Variants in REPS2 observed in about 807,000 individuals in gnomAD.
REPS2 encodes the protein RALBP1 associated Eps domain containing 2, also known as ralBP1-associated Eps domain-containing protein 2.
REPS2 carries 23 observed loss-of-function variants against 53.6 expected under a neutral mutation model. That is an observed-to-expected ratio of 0.43 (90% CI 0.31 to 0.61). The LOEUF (loss-of-function observed/expected upper bound fraction) is 0.61. Among genes scored for constraint, REPS2 ranks in the 20% least tolerant of loss-of-function variants. The pLI, the probability that REPS2 is intolerant of heterozygous loss-of-function variation, is 0.11. For synonymous variants in REPS2, 238 were observed against 218.6 expected, an observed-to-expected ratio of 1.09 and a Z score of -0.78; for missense variants, 446 against 534.9, an observed-to-expected ratio of 0.83 and a Z score of 1.64.
intron 2 of REPS2, among the ~76,000 whole-genome samples, chrX:17,012,898 T>C (rs998534953): frequency 8.9e-6 from 1 of 111,939 alleles, no homozygotes; most frequent in Non-Finnish European, 1.9e-5. Context: ...TTTGTTGTTG[T>C]TGGGGGAGAG....
intron 4 of REPS2, among the ~76,000 whole-genome samples, chrX:17,027,210 C>G (rs2061656335): frequency 8.9e-6 from 1 of 111,766 alleles, no homozygotes; most frequent in Non-Finnish European, 1.9e-5. Context: ...TCTCCGGTCA[C>G]TCCCTGCCCC....
the REPS2 span, among the ~76,000 whole-genome samples, chrX:17,167,428 C>T: frequency 8.5e-4 from 94 of 110,573 alleles, 2 homozygotes; most frequent in South Asian, 0.036. Context: ...CTGTTACAGC[C>T]GCCAGACCAG....
intron 13 of REPS2, among the ~76,000 whole-genome samples, chrX:17,101,275 G>C (rs771615458): frequency 1.8e-5 from 2 of 109,245 alleles, no homozygotes; most frequent in African/African-American, 6.7e-5. Context: ...TGTTAGCCAG[G>C]ATGGTCTCGA....
chrX:17,064,654 A>G (rs777251825), intron 9 of REPS2, among the ~76,000 whole-genome samples: 3 of 112,284 alleles, frequency 2.7e-5, no homozygotes, highest in Non-Finnish European at 3.8e-5. Context: ...TACATACCAT[A>G]CCCATTTAAA....
At chrX:17,091,839 G>C (rs1445228649) in intron 13 of REPS2, among the ~76,000 whole-genome samples, 1 of 112,022 alleles carries the variant, frequency 8.9e-6, no homozygotes, top group Non-Finnish European at 1.9e-5. Flanking sequence ...AACAATTTCT[G>C]TTACAAAGAA....
chrX:17,086,771 T>G (rs1722840027), intron 13 of REPS2, among the ~76,000 whole-genome samples: 1 of 112,842 alleles, frequency 8.9e-6, no homozygotes, highest in African/African-American at 3.2e-5. Context: ...TAAAACATAA[T>G]TCTCAGTACA....
rs2062544543 is a variant in REPS2, at chrX:17,086,922, C to G, written c.1516+9515C>G. 3.6e-5 allele frequency among the ~76,000 whole-genome samples: 4 copies of G among 111,560 alleles called. No homozygotes were observed. In the South Asian group the frequency reaches 1.5e-3, roughly 42 times the overall value. ...TGGGTACTTGGCACTTTGGAGGATC[C>G]CAAGAGGGATATGGATATGCCCCCA... On this transcript the variant is annotated intron_variant, in intron 13 of 17. Transcript: ENST00000357277.
chrX:17,056,428 G>A (rs775598994), intron 8 of REPS2, among the ~76,000 whole-genome samples: 1 of 112,430 alleles, frequency 8.9e-6, no homozygotes, highest in East Asian at 2.8e-4. Context: ...AGTGGCTCAT[G>A]CCTGTAATCC....
intron 14 of REPS2, among the ~76,000 whole-genome samples, chrX:17,126,399 C>A (rs1603090555): frequency 8.9e-6 from 1 of 112,502 alleles, no homozygotes; most frequent in Admixed American, 9.4e-5. Flanking sequence ...ATAGAATATT[C>A]TTCCTTTGTT....
the REPS2 span, among the ~76,000 whole-genome samples, chrX:17,184,549 T>C: frequency 4.6e-5 from 5 of 108,897 alleles, no homozygotes; most frequent in South Asian, 2.1e-3. Context: ...TACCCAGTAA[T>C]GGGATGGCTG....
chrX:16,954,604 A>G (rs952884497), intron 1 of REPS2, among the ~76,000 whole-genome samples: 7 of 110,786 alleles, frequency 6.3e-5, no homozygotes, highest in African/African-American at 2.3e-4. Context: ...TGTCATGGAG[A>G]TAGACGTGCT....
At chrX:16,993,219 T>A (rs1291417079) in intron 1 of REPS2, among the ~76,000 whole-genome samples, 1 of 112,129 alleles carries the variant, frequency 8.9e-6, no homozygotes, top group African/African-American at 3.2e-5. Context: ...AGATTCTAGG[T>A]ATATGCAATT....
rs188264805 is a variant in REPS2, at chrX:17,063,687, A to G, written c.1209+1155A>G. Among the ~76,000 whole-genome samples, 36 of 111,569 alleles carry G rather than the reference A, an allele frequency of 3.2e-4. 1 individual carries two copies. The East Asian group carries it at 9.8e-3, about 31-fold the overall frequency. ...TTTTTTCTGCAGAATGCTTATGACA[A>G]AGAGAGAGATAAAATAGTTTGCCAC... On this transcript the variant is annotated intron_variant, in intron 9 of 17. Coordinates refer to ENST00000357277, the MANE Select transcript of REPS2 (RefSeq NM_004726.3).
chrX:17,056,416 G>A (rs1022166560), intron 8 of REPS2, among the ~76,000 whole-genome samples: 18 of 112,332 alleles, frequency 1.6e-4, no homozygotes, highest in African/African-American at 2.6e-4. Context: ...TTAGCCGGGC[G>A]CAGTGGCTCA....
At chrX:17,187,846 A>G in the REPS2 span, among the ~76,000 whole-genome samples, 1 of 112,681 alleles carries the variant, frequency 8.9e-6, no homozygotes, top group African/African-American at 3.2e-5. Flanking sequence ...AAATTGACTA[A>G]TGTTTTAAAT....
chrX:16,976,261 T>A (rs991379731), intron 1 of REPS2, among the ~76,000 whole-genome samples: 2 of 111,746 alleles, frequency 1.8e-5, no homozygotes, highest in Non-Finnish European at 3.8e-5. Context: ...GTTACTGTAT[T>A]ATAACTCTAA....
chrX:16,994,428 C>A (rs1425885139), intron 1 of REPS2, among the ~76,000 whole-genome samples: 1 of 110,278 alleles, frequency 9.1e-6, no homozygotes, highest in Non-Finnish European at 1.9e-5. Context: ...TATGCACACA[C>A]ACATATATAT....
At chrX:17,187,044 T>G in the REPS2 span, among the ~76,000 whole-genome samples, 1 of 111,526 alleles carries the variant, frequency 9.0e-6, no homozygotes, top group East Asian at 2.8e-4. Context: ...AATTCATCCA[T>G]GTAACCAAAA....
intron 2 of REPS2, among the ~76,000 whole-genome samples, chrX:17,011,482 C>T (rs932454002): frequency 1.8e-5 from 2 of 111,778 alleles, no homozygotes; most frequent in Non-Finnish European, 3.8e-5. Flanking sequence ...CATTTTTGTG[C>T]CAGGAGCCCC....
Sources: allele counts gnomAD v4.1 joint callset (sites outside exome capture counted in the v4.1 genomes callset), GRCh38; gene constraint gnomAD v4.1.1; transcripts MANE v1.5; gene names NCBI Gene and HGNC (gene_info 2026-07-23, HGNC 2026-07-21).